The following SIRPB1 variants were observed in gnomAD, a reference collection of about 807,000 sequenced individuals.
The protein encoded by SIRPB1 is signal-regulatory protein beta-1.
A neutral mutation model predicts 34.1 loss-of-function variants in SIRPB1; 28 were observed. The observed-to-expected ratio is 0.82, with a 90% CI of 0.61 to 1.12. The LOEUF is 1.12. SIRPB1 is among the 50% of genes most tolerant of loss of function. SIRPB1 has a pLI of 0.00. For synonymous variants in SIRPB1, 211 were observed against 203.8 expected (o/e 1.04, Z -0.30); for missense variants, 499 against 507.0 (o/e 0.98, Z 0.15).
chr20:1,568,015 T>C (rs559339651), intron 4 of SIRPB1, among the ~76,000 whole-genome samples: 30 of 152,280 alleles, frequency 2.0e-4, no homozygotes, highest in African/African-American at 6.7e-4. Context: ...TATGCTGGGA[T>C]AGGGCCCTGA....
chr20:1,583,077 A>C (rs2091406427), intron 1 of SIRPB1, among the ~76,000 whole-genome samples: 1 of 48,404 alleles, frequency 2.1e-5, no homozygotes, highest in African/African-American at 1.4e-4. Context: ...TCCCATGTGA[A>C]TTGGTGAAAA....
Position 1,570,840 on chromosome 20 carries a change from G to A in SIRPB1, c.1049C>T (p.Ala350Val), listed in dbSNP as rs141972559. 8.6e-4 allele frequency: 1,387 copies of A among 1,614,098 alleles called. 7 individuals are homozygous for A. In the African/African-American group the frequency reaches 0.013, roughly 15 times the overall value. ...VSKSYALEIS[A>V]HQKEHGSDIT... ...ATCTGAGCCGTGCTCCTTCTGGTGC[G>A]CTGAGATCTCCAGGGCATAGCTTTT... Residue 350 changes from alanine to valine, a missense_variant, in exon 4 of 6, where the codon GCG (alanine) becomes GTG (valine). By Grantham distance (64) the Ala-to-Val change is moderately conservative. Coordinates refer to ENST00000381605, the MANE Select transcript of SIRPB1 (RefSeq NM_006065.5).
In SIRPB1 at chr20:1,611,130, G is replaced by A. The variant is rs1214210353; in HGVS notation, c.76+8739C>T. Among the ~76,000 whole-genome samples, 3 of 72,566 alleles carry A rather than the reference G, an allele frequency of 4.1e-5. 1 individual carries two copies. The highest frequency in any genetic ancestry group is 2.6e-4 in the African/African-American group (3 of 11,418). The allele number at this position is 72,566 out of a possible 152,430, so 47.6% of individuals were successfully genotyped here. A position where few individuals can be genotyped will look rare whatever the true frequency, so the allele number is the denominator to read the frequency against. ...AAACACAAGAGCTGTAGAGCCGCAA[G>A]CTGGGGATGCCTTCTGTCCCATCAT... On this transcript the variant is annotated intron_variant, in intron 1 of 5. Coordinates refer to ENST00000381605, the MANE Select transcript of SIRPB1 (RefSeq NM_006065.5).
chr20:1,614,250 G>C (rs1202072716), intron 1 of SIRPB1, among the ~76,000 whole-genome samples: 1 of 152,194 alleles, frequency 6.6e-6, no homozygotes, highest in Non-Finnish European at 1.5e-5. Context: ...ATGCTAAAGG[G>C]AGTGCTTCAG....
Position 1,565,113 on chromosome 20 carries a change from A to T in SIRPB1, c.*387T>A, listed in dbSNP as rs2091110211. On this transcript the variant is annotated 3_prime_UTR_variant, in exon 6 of 6. Coordinates refer to ENST00000381605, the MANE Select transcript of SIRPB1 (RefSeq NM_006065.5). ...ATTCAGGAGGCAGTAGAGAACCTCA[A>T]CAAGGCTGGGGGAGTTGGGGTAGGC... 2.5e-6 allele frequency: 1 copy of T among 398,678 alleles called. No individual in the cohort carries two copies. Among genetic ancestry groups the T allele is most frequent in the Non-Finnish European group, 4.4e-6 (1 of 226,174 alleles). 24.7% of individuals were successfully genotyped at this position (398,678 alleles called of 1,614,324 possible). A position where few individuals can be genotyped will look rare whatever the true frequency, so the allele number is the denominator to read the frequency against.
intron 1 of SIRPB1, among the ~76,000 whole-genome samples, chr20:1,618,678 T>C (rs111661825): frequency 6.6e-6 from 1 of 152,236 alleles, no homozygotes; most frequent in African/African-American, 2.4e-5. Context: ...ATTGAGAGGC[T>C]GCTGTGCCCA....
intron 1 of SIRPB1, among the ~76,000 whole-genome samples, chr20:1,596,814 C>T (rs1343110953): frequency 2.0e-5 from 1 of 48,952 alleles, no homozygotes; most frequent in Non-Finnish European, 3.9e-5. Context: ...GCTCTATAAG[C>T]GGTCCAGGAG....
chr20:1,599,765 C>T lies in SIRPB1; in HGVS notation c.76+20104G>A, dbSNP rs1370368019. Among the ~76,000 whole-genome samples, 2 of 49,444 alleles carry T rather than the reference C, an allele frequency of 4.0e-5. 1 individual carries two copies. Among genetic ancestry groups the T allele is most frequent in the African/African-American group, 2.6e-4 (2 of 7,596 alleles). The allele number at this position is 49,444 out of a possible 152,430, so 32.4% of individuals were successfully genotyped here. ...TGCAACTTACTTCTGCTCAGGATGACGCCACCTCAACTGTCAGGTAGCTAA... is the reference window on the plus strand; with the variant it reads ...TGCAACTTACTTCTGCTCAGGATGATGCCACCTCAACTGTCAGGTAGCTAA... On this transcript the variant is annotated intron_variant, in intron 1 of 5. Transcript: ENST00000381605.
At chr20:1,576,554 C>G (rs1188463412) in intron 2 of SIRPB1, among the ~76,000 whole-genome samples, 1 of 147,922 alleles carries the variant, frequency 6.8e-6, no homozygotes, top group African/African-American at 2.5e-5. Context: ...AAGGACCTTT[C>G]TTATGTATTG....
chr20:1,569,313 G>A (rs2091190104), intron 4 of SIRPB1, among the ~76,000 whole-genome samples: 1 of 152,208 alleles, frequency 6.6e-6, no homozygotes, highest in South Asian at 2.1e-4. Context: ...TTGGTAAAAT[G>A]TGAATGTATG....
intron 4 of SIRPB1, among the ~76,000 whole-genome samples, chr20:1,569,715 C>T (rs1382785206): frequency 1.3e-5 from 2 of 152,174 alleles, no homozygotes; most frequent in East Asian, 3.9e-4. Flanking sequence ...TGGGCCCCAG[C>T]CATCATTAGA....
chr20:1,614,317 T>G (rs1415727951), intron 1 of SIRPB1, among the ~76,000 whole-genome samples: 3 of 152,138 alleles, frequency 2.0e-5, no homozygotes, highest in African/African-American at 7.2e-5. Flanking sequence ...AATAAAGATA[T>G]CCAGTTATGT....
chr20:1,569,317 A>G (rs1419852503), intron 4 of SIRPB1, among the ~76,000 whole-genome samples: 1 of 152,266 alleles, frequency 6.6e-6, no homozygotes, highest in Non-Finnish European at 1.5e-5. Flanking sequence ...TAAAATGTGA[A>G]TGTATGCTCC....
At chr20:1,566,628 G>A (rs1040153876) in intron 4 of SIRPB1, among the ~76,000 whole-genome samples, 1 of 152,210 alleles carries the variant, frequency 6.6e-6, no homozygotes, top group Non-Finnish European at 1.5e-5. Context: ...AGAGTTTAGG[G>A]AGTGTCAGGA....
intron 4 of SIRPB1, among the ~76,000 whole-genome samples, chr20:1,568,132 C>T (rs913575743): frequency 2.0e-5 from 3 of 152,180 alleles, no homozygotes; most frequent in Non-Finnish European, 4.4e-5. Flanking sequence ...AGTGGCATCG[C>T]TACTTGTCGC....
chr20:1,614,916 G>C (rs1404513476), intron 1 of SIRPB1, among the ~76,000 whole-genome samples: 1 of 152,026 alleles, frequency 6.6e-6, no homozygotes, highest in Admixed American at 6.6e-5. Context: ...GTTGCCTTTT[G>C]GAGTGCTGCC....
rs550684905 is a variant in SIRPB1 at position 1,577,176 on chromosome 20, T to C, written c.433+1162A>G. 1.1e-4 allele frequency among the ~76,000 whole-genome samples: 17 copies of C among 148,214 alleles called. 2 individuals are homozygous for C. The highest frequency in any genetic ancestry group is 4.2e-4 in the African/African-American group (17 of 40,870). ...GCATTCTTAACATTTGGGAAACTGA[T>C]GAAAAGAGAAATGCTGGCTCTCTGA... On this transcript the variant is annotated intron_variant, in intron 2 of 5. Coordinates refer to ENST00000381605, the MANE Select transcript of SIRPB1 (RefSeq NM_006065.5).
intron 4 of SIRPB1, 88 bp downstream of exon 4, chr20:1,570,717 A>T: frequency 9.2e-7 from 1 of 1,082,972 alleles, no homozygotes; most frequent in Non-Finnish European, 1.3e-6. Context: ...TTATATTTAT[A>T]GACTTCTAGC....
At chr20:1,576,493 T>C (rs2091311545) in intron 2 of SIRPB1, among the ~76,000 whole-genome samples, 1 of 148,342 alleles carries the variant, frequency 6.7e-6, no homozygotes, top group Non-Finnish European at 1.5e-5. Flanking sequence ...ACCTCTTGCT[T>C]ATATCCTCAC....
Sources: allele counts gnomAD v4.1 joint callset (sites outside exome capture counted in the v4.1 genomes callset), GRCh38; gene constraint gnomAD v4.1.1; transcripts MANE v1.5; gene names NCBI Gene and HGNC (gene_info 2026-07-23, HGNC 2026-07-21).